Variants in EDN1 observed in about 807,000 individuals in gnomAD.
The protein encoded by EDN1 is endothelin-1.
A neutral mutation model predicts 21.7 loss-of-function variants in EDN1; 11 were observed. That is an observed-to-expected ratio of 0.51 (90% CI 0.32 to 0.84). EDN1 has a LOEUF of 0.84. Among genes scored for constraint, EDN1 ranks in the 40% least tolerant of loss-of-function variants. The probability of loss-of-function intolerance (pLI) is 0.03; values close to 1 mark genes in which losing one functional copy is unlikely to be tolerated. For missense variants in EDN1, 244 were observed against 262.3 expected, an observed-to-expected ratio of 0.93 and a Z score of 0.48; for synonymous variants, 85 against 90.6, an observed-to-expected ratio of 0.94 and a Z score of 0.35.
At chr6:12,280,223 T>C in the EDN1 span, among the ~76,000 whole-genome samples, 1 of 152,152 alleles carries the variant, frequency 6.6e-6, no homozygotes, top group African/African-American at 2.4e-5. Context: ...GGGTAAACAA[T>C]AAAAGGATCT....
At chr6:12,283,020 C>G in the EDN1 span, among the ~76,000 whole-genome samples, 1 of 152,084 alleles carries the variant, frequency 6.6e-6, no homozygotes, top group African/African-American at 2.4e-5. Context: ...GAAAATTATT[C>G]TTGTAACTAT....
the EDN1 span, among the ~76,000 whole-genome samples, chr6:12,250,711 C>T: frequency 3.9e-5 from 6 of 152,082 alleles, no homozygotes; most frequent in East Asian, 1.9e-4. Flanking sequence ...CAATTTTTAT[C>T]GCACCATAAA....
the EDN1 span, among the ~76,000 whole-genome samples, chr6:12,252,380 A>C: frequency 6.6e-6 from 1 of 152,240 alleles, no homozygotes; most frequent in East Asian, 1.9e-4. Flanking sequence ...TGTCTTTGAC[A>C]GTGCTTTTGT....
At chr6:12,289,341 G>C (rs1410648971), upstream of EDN1, among the ~76,000 whole-genome samples, 2 of 152,020 alleles carry the variant, frequency 1.3e-5, no homozygotes, top group Non-Finnish European at 2.9e-5. Flanking sequence ...CAGAAAATAT[G>C]TCCCTGCTTG....
upstream of EDN1, among the ~76,000 whole-genome samples, chr6:12,286,826 A>C (rs1762565098): frequency 6.6e-6 from 1 of 152,344 alleles, no homozygotes; most frequent in East Asian, 1.9e-4. Context: ...CTCAAAAGCA[A>C]GAATAGGCCA....
In EDN1 at chr6:12,296,102, C is replaced by T. The variant is rs1177610792; in HGVS notation, c.*35C>T. The T allele has an allele frequency of 1.3e-6, 2 of 1,588,744 alleles. No homozygotes were observed. The highest frequency in any genetic ancestry group is 1.3e-5 in the African/African-American group (1 of 74,484). The stretch of plus-strand genomic sequence containing the variant: ...GGGGCCTGTCTGAAGCCATAGCCTC[C>T]ACGGAGAGCCCTGTGGCCGACTCTG... On this transcript the variant is annotated 3_prime_UTR_variant, in exon 5 of 5. Coordinates refer to ENST00000379375, the MANE Select transcript of EDN1 (RefSeq NM_001955.5).
chr6:12,275,802 C>CGTGTGT, the EDN1 span, among the ~76,000 whole-genome samples: 4,431 of 147,216 alleles, frequency 0.03, 82 homozygotes, highest in Middle Eastern at 0.059. Flanking sequence ...TTGGGGGCAC[C>CGTGTGT]GTGTGTGTGT....
At chr6:12,289,406 A>C (rs3087459), upstream of EDN1, among the ~76,000 whole-genome samples, 30,177 of 151,964 alleles carry the variant, frequency 0.2, 3,156 homozygotes, top group South Asian at 0.34. Flanking sequence ...ATGTTAGGCA[A>C]CATTCCTTGA....
chr6:12,286,981 G>A (rs1279453827), upstream of EDN1, among the ~76,000 whole-genome samples: 2 of 152,104 alleles, frequency 1.3e-5, no homozygotes, highest in Non-Finnish European at 2.9e-5. Flanking sequence ...GCTGGGCATG[G>A]TGGCTTGAGC....
At chr6:12,245,887 A>G in the EDN1 span, among the ~76,000 whole-genome samples, 2 of 152,232 alleles carry the variant, frequency 1.3e-5, no homozygotes, top group African/African-American at 4.8e-5. Context: ...GTCTTGTTAA[A>G]GCAGAAAACT....
chr6:12,278,546 C>T, the EDN1 span, among the ~76,000 whole-genome samples: 6 of 152,306 alleles, frequency 3.9e-5, no homozygotes, highest in East Asian at 9.6e-4. Flanking sequence ...ATATGCCACA[C>T]ATACCATACA....
chr6:12,287,688 C>CCTCTCTCTCTCT (rs757039157), upstream of EDN1, among the ~76,000 whole-genome samples: 6 of 112,648 alleles, frequency 5.3e-5, no homozygotes, highest in African/African-American at 1.0e-4. Flanking sequence ...TCTCTCTCTC[C>CCTCTCTCTCTCT]CTCTCTCTCT....
chr6:12,287,590 G>A (rs1762574897), upstream of EDN1, among the ~76,000 whole-genome samples: 2 of 151,998 alleles, frequency 1.3e-5, no homozygotes, highest in African/African-American at 4.8e-5. Context: ...TGGAGAGATG[G>A]ACAGAGAAGG....
chr6:12,235,462 A>G, the EDN1 span, among the ~76,000 whole-genome samples: 4 of 152,224 alleles, frequency 2.6e-5, no homozygotes, highest in Non-Finnish European at 4.4e-5. Flanking sequence ...CTGACTCTCC[A>G]TACACCAAAA....
chr6:12,240,680 A>C, the EDN1 span, among the ~76,000 whole-genome samples: 1 of 152,154 alleles, frequency 6.6e-6, no homozygotes, highest in African/African-American at 2.4e-5. Flanking sequence ...GGGGTTGAGT[A>C]CATTTCAAAC....
rs988874201 is a variant in EDN1 at position 12,290,588 on chromosome 6, G to C, written c.-42G>C. On this transcript the variant is annotated 5_prime_UTR_variant, in exon 1 of 5. Transcript: ENST00000379375. ...AGCTGTTTTTCTTCGTTTTCCTTTG[G>C]GTTCAGTTTGAACGGGAGGTTTTTG... 4 of 1,561,136 alleles carry C rather than the reference G, an allele frequency of 2.6e-6. No homozygotes were observed. In the Admixed American group the frequency reaches 6.7e-5, roughly 26 times the overall value.
the EDN1 span, among the ~76,000 whole-genome samples, chr6:12,261,825 T>G: frequency 6.6e-6 from 1 of 152,078 alleles, no homozygotes; most frequent in African/African-American, 2.4e-5. Context: ...ATGGTTACAG[T>G]TAAAGGAAGG....
the EDN1 span, among the ~76,000 whole-genome samples, chr6:12,260,429 GCTT>G: frequency 6.6e-6 from 1 of 152,082 alleles, no homozygotes; most frequent in African/African-American, 2.4e-5. Flanking sequence ...TAACTTTGTT[GCTT>G]CTTATATTTA....
rs1328245144 is a variant in EDN1, at chr6:12,296,805, A to G, written c.*738A>G. 1 of 152,294 alleles carries G rather than the reference A, an allele frequency of 6.6e-6. No individual in the cohort carries two copies. Among genetic ancestry groups the G allele is most frequent in the Non-Finnish European group, 1.5e-5 (1 of 68,128 alleles). The allele number at this position is 152,294 out of a possible 1,614,324, so 9.4% of individuals were successfully genotyped here. ...GCAGTAGATATAATATTTTCATGGT[A>G]ATCTACTAGCTCTGATCCATAAGAA... On this transcript the variant is annotated 3_prime_UTR_variant, in exon 5 of 5. Coordinates refer to ENST00000379375, the MANE Select transcript of EDN1 (RefSeq NM_001955.5).
Sources: gnomAD v4.1 joint callset for allele counts (sites outside exome capture counted in the v4.1 genomes callset) on GRCh38, gnomAD v4.1.1 for gene constraint, MANE v1.5 for transcripts, NCBI Gene and HGNC (gene_info 2026-07-23, HGNC 2026-07-21) for gene names.